Variants in MPPED1 observed in about 807,000 individuals in gnomAD.
MPPED1 encodes metallophosphoesterase domain containing 1.
In MPPED1, 16 loss-of-function variants were observed where a neutral mutation model predicts 36.2. The observed-to-expected ratio is 0.44, with a 90% CI of 0.30 to 0.67. MPPED1 has a LOEUF of 0.67. MPPED1 is among the 30% of genes least tolerant of loss of function. The pLI, the probability that MPPED1 is intolerant of heterozygous loss-of-function variation, is 0.10. For synonymous variants in MPPED1, 199 were observed against 191.3 expected (o/e 1.04, Z -0.33); for missense variants, 307 against 453.4 (o/e 0.68, Z 2.93).
At chr22:43,480,658 C>A (rs2146892530) in intron 4 of MPPED1, among the ~76,000 whole-genome samples, 1 of 152,234 alleles carries the variant, frequency 6.6e-6, no homozygotes, top group South Asian at 2.1e-4. Context: ...CCCTCTGTGA[C>A]CTCTCTTTCC....
intron 3 of MPPED1, among the ~76,000 whole-genome samples, chr22:43,438,653 C>T (rs1283180700): frequency 2.0e-5 from 3 of 151,954 alleles, no homozygotes; most frequent in African/African-American, 4.8e-5. Context: ...TTACCTTCTT[C>T]TTTAGGATTG....
intron 3 of MPPED1, among the ~76,000 whole-genome samples, chr22:43,440,240 C>T (rs1930103403): frequency 1.3e-5 from 2 of 152,242 alleles, no homozygotes; most frequent in South Asian, 4.1e-4. Flanking sequence ...AGCGCTGTGA[C>T]ACAGACCAGT....
intron 3 of MPPED1, among the ~76,000 whole-genome samples, chr22:43,445,851 T>A (rs1930321715): frequency 1.3e-5 from 2 of 148,646 alleles, no homozygotes; most frequent in African/African-American, 5.0e-5. Context: ...ATTACAGGCA[T>A]GAGCCACTGT....
intron 3 of MPPED1, among the ~76,000 whole-genome samples, chr22:43,464,057 C>T (rs577224676): frequency 1.3e-5 from 2 of 151,820 alleles, no homozygotes; most frequent in South Asian, 2.1e-4. Flanking sequence ...TATAGGCGCC[C>T]GCCACCACTC....
rs1569089344 is a variant in MPPED1 at position 43,496,055 on chromosome 22, ATGGTGGAGGTGG to A, written c.633-2169_633-2158del. 9.2e-3 allele frequency among the ~76,000 whole-genome samples: 38 copies of A among 4,136 alleles called. 1 individual carries two copies. The highest frequency in any genetic ancestry group is 0.5 in the Middle Eastern group (1 of 2). The allele number at this position is 4,136 out of a possible 152,430, so 2.7% of individuals were successfully genotyped here. A position where few individuals can be genotyped will look rare whatever the true frequency, so the allele number is the denominator to read the frequency against. Reference sequence around the variant, plus strand: ...GGAGGTGGTGGTGGTGGAGGTGGTGATGGTGGAGGTGGTGGTGGAGGTAGTGGTGGTGGAGGT... The same window carrying A: ...GGAGGTGGTGGTGGTGGAGGTGGTGATGGTGGAGGTAGTGGTGGTGGAGGT... On this transcript the variant is annotated intron_variant, in intron 4 of 6. Transcript: ENST00000443721.
At chr22:43,492,784 A>G (rs4076059) in intron 4 of MPPED1, among the ~76,000 whole-genome samples, 55,247 of 152,032 alleles carry the variant, frequency 0.36, 11,851 homozygotes, top group Non-Finnish European at 0.48. Context: ...CTCAAGGCCC[A>G]GAGCTTGGCT....
chr22:43,460,719 T>G (rs1930928230), intron 3 of MPPED1, among the ~76,000 whole-genome samples: 1 of 152,094 alleles, frequency 6.6e-6, no homozygotes, highest in Non-Finnish European at 1.5e-5. Context: ...TCTCCCATCA[T>G]TTGCTGAGGG....
At chr22:43,448,980 CCT>C (rs1601967852) in intron 3 of MPPED1, among the ~76,000 whole-genome samples, 1 of 151,706 alleles carries the variant, frequency 6.6e-6, no homozygotes. Context: ...CCTGCCAGCC[CCT>C]GACTCTTTTT....
chr22:43,497,935 G>GTATGTGTATATATATATATA, intron 4 of MPPED1, among the ~76,000 whole-genome samples: 1 of 128,364 alleles, frequency 7.8e-6, no homozygotes, highest in African/African-American at 3.5e-5. Context: ...ATATGTATAT[G>GTATGTGTATATATATATATA]TATATATATA....
chr22:43,449,445 T>C (rs1186969855), intron 3 of MPPED1, among the ~76,000 whole-genome samples: 1 of 27,068 alleles, frequency 3.7e-5, no homozygotes, highest in East Asian at 1.2e-3. Flanking sequence ...CCCCTCCAAG[T>C]AGGCTCTCAG....
At chr22:43,455,565 G>T (rs1203336627) in intron 3 of MPPED1, among the ~76,000 whole-genome samples, 1 of 152,140 alleles carries the variant, frequency 6.6e-6, no homozygotes, top group African/African-American at 2.4e-5. Context: ...TTTTGTGGAG[G>T]GGGAGACAAT....
chr22:43,421,816 A>G (rs1430333798), intron 1 of MPPED1, among the ~76,000 whole-genome samples: 1 of 152,268 alleles, frequency 6.6e-6, no homozygotes, highest in Non-Finnish European at 1.5e-5. Context: ...TGTTATAACA[A>G]TAATATTAGC....
At chr22:43,446,495 C>T (rs1030361088) in intron 3 of MPPED1, among the ~76,000 whole-genome samples, 9 of 152,280 alleles carry the variant, frequency 5.9e-5, no homozygotes, top group South Asian at 4.1e-4. Context: ...GGCAGCCAGC[C>T]GTGCCCATGT....
rs78165973 is a variant in MPPED1, at chr22:43,445,880, A to ATTTTTT, written c.406+10669_406+10670insTTTTTT. On this transcript the variant is annotated intron_variant, in intron 3 of 6. Transcript: ENST00000443721. Reference sequence around the variant, plus strand: ...CCACTGTGCCTAGCCTGGTGTTTACATTTTCTTTTTTTTTTTTTTTGAGAC... The same window carrying ATTTTTT: ...CCACTGTGCCTAGCCTGGTGTTTACATTTTTTTTTTCTTTTTTTTTTTTTTTGAGAC... Among the ~76,000 whole-genome samples, 24 of 125,820 alleles carry ATTTTTT rather than the reference A, an allele frequency of 1.9e-4. 4 individuals carry two copies. The highest frequency in any genetic ancestry group is 8.4e-4 in the African/African-American group (23 of 27,474). The allele number at this position is 125,820 out of a possible 152,430, so 82.5% of individuals were successfully genotyped here.
intron 4 of MPPED1, among the ~76,000 whole-genome samples, chr22:43,494,304 C>T (rs1176130318): frequency 1.3e-5 from 2 of 152,232 alleles, no homozygotes; most frequent in East Asian, 3.8e-4. Context: ...CCTCCCAAAG[C>T]ACTGGGATTA....
chr22:43,436,408 G>A (rs1328505808), intron 3 of MPPED1, among the ~76,000 whole-genome samples: 1 of 152,224 alleles, frequency 6.6e-6, no homozygotes, highest in Non-Finnish European at 1.5e-5. Flanking sequence ...CAGGGCAGCC[G>A]CGGTGAGCCA....
At chr22:43,432,220 G>GAGAGAGACAA (rs71186588) in intron 2 of MPPED1, among the ~76,000 whole-genome samples, 61,126 of 150,874 alleles carry the variant, frequency 0.41, 13,735 homozygotes, top group Non-Finnish European at 0.52. Flanking sequence ...GAGAGAGAGA[G>GAGAGAGACAA]ACACAGAGAG....
intron 3 of MPPED1, among the ~76,000 whole-genome samples, chr22:43,437,550 AATTGGAAGTAAGGGTGTGGACGATGCTG>A (rs1282182548): frequency 1.3e-5 from 2 of 152,098 alleles, no homozygotes; most frequent in East Asian, 3.9e-4. Flanking sequence ...AAGCCTCCCT[AATTGGAAGTAAGGGTGTGGACGATGCTG>A]ATTGGAAGTA....
At chr22:43,423,236 G>A (rs538160416) in intron 1 of MPPED1, among the ~76,000 whole-genome samples, 4 of 152,306 alleles carry the variant, frequency 2.6e-5, no homozygotes, top group Admixed American at 6.5e-5. Flanking sequence ...CTTGACCCCC[G>A]TCCAGATCTG....
Sources: allele counts gnomAD v4.1 joint callset (sites outside exome capture counted in the v4.1 genomes callset), GRCh38; gene constraint gnomAD v4.1.1; transcripts MANE v1.5; gene names NCBI Gene and HGNC (gene_info 2026-07-23, HGNC 2026-07-21).